Variants in PRR12 observed in about 807,000 individuals in gnomAD.
The protein encoded by PRR12 is proline rich 12.
PRR12 carries 12 observed loss-of-function variants against 138.0 expected under a neutral mutation model. That is an observed-to-expected ratio of 0.09 (90% confidence interval 0.06 to 0.14). The LOEUF (loss-of-function observed/expected upper bound fraction) is 0.14. PRR12 is among the 10% of genes least tolerant of loss of function. PRR12 has a pLI of 1.00. For missense variants in PRR12, 2,692 were observed against 2,861.3 expected (o/e 0.94, Z 1.35); for synonymous variants, 1,567 against 1,291.7 (o/e 1.21, Z -4.57).
chr19:49,591,587 G>T lies in PRR12; in HGVS notation c.-68G>T. The T allele has an allele frequency of 1.6e-6, 1 of 624,474 alleles. No individual in the cohort carries two copies. Among genetic ancestry groups the T allele is most frequent in the South Asian group, 2.6e-5 (1 of 38,030 alleles). The allele number at this position is 624,474 out of a possible 1,614,324, so 38.7% of individuals were successfully genotyped here. On this transcript the variant is annotated 5_prime_UTR_variant, in exon 1 of 14. Transcript: ENST00000418929. Reference sequence around the variant, plus strand: ...CAGCGGAGGGAGCGGCGGCGGAGGAGAGCGCGCGCGCGCCCCCTCCCTCCC... The same window carrying T: ...CAGCGGAGGGAGCGGCGGCGGAGGATAGCGCGCGCGCGCCCCCTCCCTCCC...
rs1347763506 is a variant in PRR12, at chr19:49,614,689, G to A, written c.4890+40G>A. 1.1e-5 allele frequency: 17 copies of A among 1,525,122 alleles called. No individual in the cohort carries two copies. Among genetic ancestry groups the A allele is most frequent in the Non-Finnish European group, 1.4e-5 (16 of 1,125,386 alleles). The allele number at this position is 1,525,122 out of a possible 1,614,324, so 94.5% of individuals were successfully genotyped here. A position where few individuals can be genotyped will look rare whatever the true frequency, so the allele number is the denominator to read the frequency against. ...GGGACCAAGGACTTGGGGGCCCCGG[G>A]GCGTGGTATCTAGGAGCTGGGGTTC... On this transcript the variant is annotated intron_variant, in intron 7 of 13. Transcript: ENST00000418929. This position sits in a 1 kb window ranked among gnomAD's most constrained non-coding sequence, Gnocchi z 5.0.
Position 49,596,072 on chromosome 19 carries a change from A to G in PRR12, c.1737A>G (p.Gly579=), listed in dbSNP as rs748776554. The G allele has an allele frequency of 7.7e-5, 123 of 1,601,594 alleles. No homozygotes were observed. The highest frequency in any genetic ancestry group is 1.0e-4 in the Non-Finnish European group (121 of 1,179,730). ...CGCCTGCCACCGGCCGTCCACCTGG[A>G]GTCGGCTCTCCAGGAGCCCCTGGCA... ...QSPPATGRPP[G]VGSPGAPGKY... The change falls in exon 4 of 14, where the codon GGA becomes GGG. Residue 579 remains glycine (G), a synonymous_variant. Transcript: ENST00000418929. The surrounding 1 kb of genome is among the most constrained non-coding windows in gnomAD (Gnocchi z 5.6).
rs149426824 is a variant in PRR12 at position 49,604,189 on chromosome 19, A to G, written c.4773+2271A>G. On this transcript the variant is annotated intron_variant, in intron 6 of 13. Coordinates refer to ENST00000418929, the MANE Select transcript of PRR12 (RefSeq NM_020719.3). ...ATTTTTTCCTGTGTTATTTCAATCT[A>G]TTTCATTGTGGGAAAAGTAAATAAT... is the stretch of plus-strand genomic sequence containing the variant. Among the ~76,000 whole-genome samples the G allele has an allele frequency of 1.3e-4, 20 of 152,004 alleles. No homozygotes were observed. The East Asian group carries it at 3.5e-3, about 26-fold the overall frequency.
Position 49,625,472 on chromosome 19 carries a change from C to T in PRR12, c.5976C>T (p.Ile1992=), listed in dbSNP as rs749974997. 1.8e-5 allele frequency: 29 copies of T among 1,607,504 alleles called. No individual in the cohort carries two copies. Among genetic ancestry groups the T allele is most frequent in the East Asian group, 9.0e-5 (4 of 44,688 alleles). Residue 1992 remains isoleucine (I), a synonymous_variant, in exon 14 of 14, where the codon ATC becomes ATT. Transcript: ENST00000418929. The surrounding 1 kb of genome is among the most constrained non-coding windows in gnomAD (Gnocchi z 5.5). ...FLRCRDQTLA[I]EGGAEDLGQE... ...TTTGACCCCTGCAGACCCTGGCCATCGAGGGCGGCGCCGAGGACCTGGGCC... is the reference window on the plus strand; with the variant it reads ...TTTGACCCCTGCAGACCCTGGCCATTGAGGGCGGCGCCGAGGACCTGGGCC...
chr19:49,619,224 G>GTTTTT lies in PRR12; in HGVS notation c.5498-1107_5498-1103dup, dbSNP rs34027784. The stretch of plus-strand genomic sequence containing the variant: ...AGGGTGAGTCTGATGCCTCCTGTGA[G>GTTTTT]TTTTTTTTTTTTTTTTTTTTTTTTT... On this transcript the variant is annotated intron_variant, in intron 9 of 13. Transcript: ENST00000418929. 1.3e-3 allele frequency among the ~76,000 whole-genome samples: 103 copies of GTTTTT among 79,778 alleles called. 2 individuals carry two copies. Among genetic ancestry groups the GTTTTT allele is most frequent in the African/African-American group, 3.9e-3 (73 of 18,620 alleles). 52.3% of individuals were successfully genotyped at this position (79,778 alleles called of 152,430 possible).
chr19:49,603,342 T>A (rs749027124), intron 6 of PRR12, among the ~76,000 whole-genome samples: 59 of 152,374 alleles, frequency 3.9e-4, no homozygotes, highest in Non-Finnish European at 5.4e-4. Context: ...ATCATTGTCA[T>A]TGATTGTACT....
intron 11 of PRR12, among the ~76,000 whole-genome samples, chr19:49,623,210 G>T (rs1383867050): frequency 6.6e-6 from 1 of 152,060 alleles, no homozygotes; most frequent in Non-Finnish European, 1.5e-5. Flanking sequence ...TACAAATTCT[G>T]AGATGGATTG....
Position 49,616,141 on chromosome 19 carries a change from G to A in PRR12, c.5419G>A (p.Gly1807Ser), listed in dbSNP as rs201043961. ...KRKKWLKEAG[G>S]NATAGGGPPG... ...GAAGAAATGGCTGAAGGAGGCAGGC[G>A]GCAACGCTACAGCAGGCGGGGGCCC... The change falls in exon 9 of 14, where the codon GGC (glycine) becomes AGC (serine). Residue 1807 changes from glycine (G) to serine (S), a missense_variant. Gly to Ser is a moderately conservative substitution (Grantham distance 56). This residue lies in a region of PRR12 where 259 missense variants were observed against 265.1 expected (regional missense o/e 0.98). Coordinates refer to ENST00000418929, the MANE Select transcript of PRR12 (RefSeq NM_020719.3). The surrounding 1 kb of genome is among the most constrained non-coding windows in gnomAD (Gnocchi z 4.2). 1.4e-4 allele frequency: 219 copies of A among 1,566,654 alleles called. No individual in the cohort carries two copies. In the African/African-American group the frequency reaches 2.4e-3, roughly 17 times the overall value.
At position 49,606,197 on chromosome 19, in the gene PRR12, T is replaced by A. The variant is rs550016340; in HGVS notation, c.4773+4279T>A. ...TTTATTCCTTAAGTAGAGACTGGGG[T>A]CTCACTCTGTTGTCCTGGCTGGTCT... On this transcript the variant is annotated intron_variant, in intron 6 of 13. Transcript: ENST00000418929. Among the ~76,000 whole-genome samples the A allele has an allele frequency of 2.2e-4, 34 of 151,932 alleles. 1 individual carries two copies. In the South Asian group the frequency reaches 6.7e-3, roughly 30 times the overall value.
Position 49,601,654 on chromosome 19 carries a change from G to GCCACCT in PRR12, c.4515_4520dup (p.Pro1506_Pro1507dup), listed in dbSNP as rs1568425514. ...CACCACCGCCACCGCCGCTGCCGCC[G>GCCACCT]CCACCTCCACCAGCCATGCCCTCGC... is the stretch of plus-strand genomic sequence containing the variant. On this transcript the variant is annotated inframe_insertion, in exon 6 of 14. Coordinates refer to ENST00000418929, the MANE Select transcript of PRR12 (RefSeq NM_020719.3). 1.3e-6 allele frequency: 2 copies of GCCACCT among 1,536,800 alleles called. No homozygotes were observed. Among genetic ancestry groups the GCCACCT allele is most frequent in the South Asian group, 1.2e-5 (1 of 83,776 alleles).
intron 8 of PRR12, 64 bp from the exon 9 acceptor site, chr19:49,615,683 A>T: frequency 7.3e-7 from 1 of 1,377,328 alleles, no homozygotes; most frequent in Non-Finnish European, 1.0e-6. Context: ...CTGAGCAGGG[A>T]CCCTGAGGAG....
At chr19:49,601,052 A>C (rs1429026858) in intron 5 of PRR12, among the ~76,000 whole-genome samples, 1 of 152,084 alleles carries the variant, frequency 6.6e-6, no homozygotes, top group Non-Finnish European at 1.5e-5. Context: ...AAGCCTGAAG[A>C]AGGGAGCTGG....
At chr19:49,603,562 C>T (rs571584115) in intron 6 of PRR12, among the ~76,000 whole-genome samples, 151 of 152,046 alleles carry the variant, frequency 9.9e-4, no homozygotes, top group Middle Eastern at 3.4e-3. Flanking sequence ...CGTGGTAGGG[C>T]GCACCTGTGA....
chr19:49,618,063 A>G (rs368098941), intron 9 of PRR12, among the ~76,000 whole-genome samples: 1 of 152,202 alleles, frequency 6.6e-6, no homozygotes, highest in East Asian at 1.9e-4. Flanking sequence ...GCGCCATTGC[A>G]TTCCAGCCTG....
chr19:49,625,878 C>T lies in PRR12; in HGVS notation c.*271C>T. ...TAAATGTCTATTTAGTAACGGTTTC[C>T]CTCTCCCCTTGCCCCGACCCCCCCT... On this transcript the variant is annotated 3_prime_UTR_variant, in exon 14 of 14. Transcript: ENST00000418929. The surrounding 1 kb of genome is among the most constrained non-coding windows in gnomAD (Gnocchi z 5.5). The T allele has an allele frequency of 3.4e-6, 1 of 290,290 alleles. No homozygotes were observed. 18.0% of individuals were successfully genotyped at this position (290,290 alleles called of 1,614,324 possible). A position where few individuals can be genotyped will look rare whatever the true frequency, so the allele number is the denominator to read the frequency against.
intron 4 of PRR12, 132 bp downstream of exon 4, chr19:49,598,145 T>G (rs111483926): frequency 9.6e-7 from 1 of 1,040,880 alleles, no homozygotes; most frequent in Non-Finnish European, 1.2e-6. Flanking sequence ...ACGATCTCGG[T>G]TCACTGCAAG....
chr19:49,597,234 C>A lies in PRR12; in HGVS notation c.2899C>A (p.Pro967Thr), dbSNP rs769200752. Residue 967 changes from proline to threonine, a missense_variant, in exon 4 of 14, where the codon CCA becomes ACA. Physicochemically the swap from Pro to Thr is conservative, Grantham distance 38 (BLOSUM62 -1). Around this residue, in one of 11 missense-constraint regions of PRR12, gnomAD observed 840 missense variants for 689.8 expected, o/e 1.22. Coordinates refer to ENST00000418929, the MANE Select transcript of PRR12 (RefSeq NM_020719.3). The surrounding 1 kb of genome is among the most constrained non-coding windows in gnomAD (Gnocchi z 6.3). The part of the protein sequence containing the change: ...GAADDYGKAG[P>T]PEDEGDPKAG... ...CGCGGACGACTACGGCAAGGCCGGG[C>A]CACCTGAGGACGAGGGGGACCCCAA... 2.5e-6 allele frequency: 4 copies of A among 1,569,462 alleles called. No individual in the cohort carries two copies. The highest frequency in any genetic ancestry group is 1.9e-5 in the Admixed American group (1 of 53,676).
At position 49,624,136 on chromosome 19, in the gene PRR12, G is replaced by C. The variant is rs529093018; in HGVS notation, c.5722-708G>C. ...CCGAGAATTCTGGGGTAGGTGGTTA[G>C]GATGGGACCGAGAATTCTGGGGTAG... On this transcript the variant is annotated intron_variant, in intron 11 of 13. Coordinates refer to ENST00000418929, the MANE Select transcript of PRR12 (RefSeq NM_020719.3). Among the ~76,000 whole-genome samples, 272 of 150,582 alleles carry C rather than the reference G, an allele frequency of 1.8e-3. 5 individuals carry two copies. The highest frequency in any genetic ancestry group is 0.017 in the Admixed American group (260 of 15,116).
At chr19:49,593,782 C>T (rs950365939) in intron 2 of PRR12, among the ~76,000 whole-genome samples, 6 of 152,162 alleles carry the variant, frequency 3.9e-5, no homozygotes. Context: ...CTTTGGAACT[C>T]TGAATTCTTT....
Sources: allele counts gnomAD v4.1 joint callset (sites outside exome capture counted in the v4.1 genomes callset), GRCh38; gene constraint gnomAD v4.1.1; regional missense constraint gnomAD v4.1.1; non-coding constraint Gnocchi (gnomAD v3.1); transcripts MANE v1.5; gene names NCBI Gene and HGNC (gene_info 2026-07-23, HGNC 2026-07-21).